Variants in KIAA0825 observed in about 807,000 individuals in gnomAD.
KIAA0825 encodes uncharacterized protein KIAA0825.
In KIAA0825, 119 loss-of-function variants were observed where a neutral mutation model predicts 147.6. That is an observed-to-expected ratio of 0.81 (90% CI 0.69 to 0.94). The LOEUF is 0.94. Ranked by LOEUF, KIAA0825 falls within the 40% of genes least tolerant of loss-of-function variation. The pLI is 0.00. For missense variants in KIAA0825, 1,381 were observed against 1,472.7 expected (o/e 0.94, Z 1.02); for synonymous variants, 470 against 518.1 (o/e 0.91, Z 1.26).
chr5:94,520,346 A>G lies in KIAA0825; in HGVS notation c.872T>C (p.Leu291Pro). The G allele has an allele frequency of 6.2e-7, 1 of 1,613,582 alleles. No homozygotes were observed. The highest frequency in any genetic ancestry group is 2.2e-5 in the East Asian group (1 of 44,852). Residue 291 changes from leucine to proline, a missense_variant, in exon 5 of 21, where the codon CTT becomes CCT. By Grantham distance (98) the Leu-to-Pro change is moderately conservative (BLOSUM62 -3). Coordinates refer to ENST00000682413, the MANE Select transcript of KIAA0825 (RefSeq NM_001145678.3). ...DTVTEEMAKFLENFCELQFRE... is the reference protein window; with the variant it reads ...DTVTEEMAKFPENFCELQFRE... ...GAACTGCAGCTCACAAAAATTTTCA[A>G]GAAATTTTGCCATTTCTTCTGTAAC... is the stretch of plus-strand genomic sequence containing the variant.
At chr5:94,572,582 A>G (rs1204717485) in intron 2 of KIAA0825, among the ~76,000 whole-genome samples, 2 of 152,214 alleles carry the variant, frequency 1.3e-5, no homozygotes, top group Non-Finnish European at 2.9e-5. Flanking sequence ...TCTGCAATTC[A>G]TTAAAAATTA....
intron 2 of KIAA0825, chr5:94,569,430 C>T: frequency 2.5e-6 from 1 of 405,176 alleles, no homozygotes; most frequent in Non-Finnish European, 4.5e-6. Flanking sequence ...AACCCCATTA[C>T]TAAAACCACA....
intron 20 of KIAA0825, among the ~76,000 whole-genome samples, chr5:94,285,377 C>T (rs879100936): frequency 2.6e-5 from 4 of 152,090 alleles, no homozygotes; most frequent in South Asian, 2.1e-4. Flanking sequence ...ATATGTTCTT[C>T]GGATTTTTAT....
At chr5:94,442,556 A>C (rs72771677) in intron 13 of KIAA0825, among the ~76,000 whole-genome samples, 10 of 152,292 alleles carry the variant, frequency 6.6e-5, no homozygotes, top group Non-Finnish European at 1.2e-4. Context: ...GGAAGAACTC[A>C]CTAGATGAGC....
chr5:94,460,514 A>G (rs901529358), intron 12 of KIAA0825, among the ~76,000 whole-genome samples: 3 of 152,156 alleles, frequency 2.0e-5, no homozygotes, highest in Non-Finnish European at 2.9e-5. Context: ...GGCATATCAC[A>G]TAGAGTGACA....
At chr5:94,552,571 C>T (rs1196622367) in intron 2 of KIAA0825, among the ~76,000 whole-genome samples, 2 of 151,822 alleles carry the variant, frequency 1.3e-5, no homozygotes, top group Admixed American at 6.6e-5. Flanking sequence ...TTTCTTATCA[C>T]AATGGAATAA....
chr5:94,251,976 T>A (rs1260537409), intron 20 of KIAA0825, among the ~76,000 whole-genome samples: 4 of 152,060 alleles, frequency 2.6e-5, no homozygotes, highest in African/African-American at 9.7e-5. Context: ...ATTTTAAGAT[T>A]CCTTTTGGTT....
At chr5:94,524,246 C>G (rs998717674) in intron 3 of KIAA0825, 148 bp from the exon 4 acceptor site, 19 of 451,248 alleles carry the variant, frequency 4.2e-5, no homozygotes, top group Non-Finnish European at 5.7e-5. Flanking sequence ...TAATAACAGA[C>G]TATACATTCA....
intron 18 of KIAA0825, among the ~76,000 whole-genome samples, chr5:94,390,694 C>T (rs1429045948): frequency 6.6e-6 from 1 of 152,070 alleles, no homozygotes; most frequent in East Asian, 1.9e-4. Flanking sequence ...GTGGGCAAAA[C>T]GTTTATATAA....
In KIAA0825 at chr5:94,608,470, ATAT is replaced by A. The variant is rs1561389775; in HGVS notation, c.-153+10027_-153+10029del. 1.7e-4 allele frequency among the ~76,000 whole-genome samples: 3 copies of A among 17,742 alleles called. 1 individual carries two copies. The highest frequency in any genetic ancestry group is 2.8e-4 in the Non-Finnish European group (3 of 10,834). The allele number at this position is 17,742 out of a possible 152,430, so 11.6% of individuals were successfully genotyped here. A position where few individuals can be genotyped will look rare whatever the true frequency, so the allele number is the denominator to read the frequency against. On this transcript the variant is annotated intron_variant, in intron 1 of 20. Coordinates refer to ENST00000682413, the MANE Select transcript of KIAA0825 (RefSeq NM_001145678.3). The stretch of plus-strand genomic sequence containing the variant: ...GTGTGTGTATATATATATATTATAT[ATAT>A]AATATATATATATATATAATTATAT...
intron 20 of KIAA0825, among the ~76,000 whole-genome samples, chr5:94,243,749 A>G (rs1775470667): frequency 6.6e-6 from 1 of 152,024 alleles, no homozygotes; most frequent in Non-Finnish European, 1.5e-5. Context: ...CCACACATCT[A>G]GGAACATCCT....
At chr5:94,403,479 T>G in intron 16 of KIAA0825, 90 bp downstream of exon 16, 1 of 898,596 alleles carries the variant, frequency 1.1e-6, no homozygotes, top group Non-Finnish European at 1.7e-6. Flanking sequence ...AGTTCATCAT[T>G]CTTATAAATT....
At chr5:94,469,373 T>C (rs1052107216) in intron 10 of KIAA0825, among the ~76,000 whole-genome samples, 8 of 152,142 alleles carry the variant, frequency 5.3e-5, no homozygotes, top group Non-Finnish European at 1.5e-5. Context: ...GGTTTCACCA[T>C]GTTGGCCAGG....
chr5:94,457,559 G>A (rs1289339815), intron 12 of KIAA0825, among the ~76,000 whole-genome samples: 4 of 152,138 alleles, frequency 2.6e-5, no homozygotes, highest in Non-Finnish European at 5.9e-5. Flanking sequence ...GCATCGTAGG[G>A]CCTCTGTGCC....
intron 1 of KIAA0825, among the ~76,000 whole-genome samples, chr5:94,595,130 A>T (rs1260679239): frequency 6.6e-6 from 1 of 152,146 alleles, no homozygotes; most frequent in Non-Finnish European, 1.5e-5. Context: ...CTCTTCTCAC[A>T]GTTCCACTAG....
intron 2 of KIAA0825, among the ~76,000 whole-genome samples, chr5:94,574,069 G>T (rs930606025): frequency 8.5e-5 from 13 of 152,140 alleles, no homozygotes; most frequent in African/African-American, 3.1e-4. Flanking sequence ...AGCTCCCTAT[G>T]GGCAGATGGA....
chr5:94,562,736 C>T (rs1304776042), intron 2 of KIAA0825, among the ~76,000 whole-genome samples: 1 of 152,142 alleles, frequency 6.6e-6, no homozygotes, highest in Non-Finnish European at 1.5e-5. Flanking sequence ...CAGATTGACT[C>T]ACAGGATTAT....
intron 2 of KIAA0825, among the ~76,000 whole-genome samples, chr5:94,548,658 T>C (rs924586324): frequency 2.0e-5 from 3 of 152,154 alleles, no homozygotes; most frequent in African/African-American, 7.2e-5. Context: ...AGTGGTGTCC[T>C]GCCTACAAGA....
chr5:94,371,900 A>G (rs1746767883), intron 20 of KIAA0825, among the ~76,000 whole-genome samples: 1 of 152,212 alleles, frequency 6.6e-6, no homozygotes, highest in Non-Finnish European at 1.5e-5. Context: ...ATAAGCCTGT[A>G]AAATCAAAAG....
Sources: allele counts gnomAD v4.1 joint callset (sites outside exome capture counted in the v4.1 genomes callset), GRCh38; gene constraint gnomAD v4.1.1; transcripts MANE v1.5; gene names NCBI Gene and HGNC (gene_info 2026-07-23, HGNC 2026-07-21).